Variants in RSPH14 observed in about 807,000 individuals in gnomAD.
RSPH14 encodes the protein rhabdoid tumor deletion region gene 1.
RSPH14 carries 20 observed loss-of-function variants against 26.7 expected under a neutral mutation model. The observed-to-expected ratio is 0.75, with a 90% CI of 0.53 to 1.09. The LOEUF is 1.09. Among genes scored for constraint, RSPH14 ranks in the 50% least tolerant of loss-of-function variants. RSPH14 has a pLI of 0.00. For synonymous variants in RSPH14, 177 were observed against 189.3 expected, an observed-to-expected ratio of 0.93 and a Z score of 0.53; for missense variants, 449 against 457.2, an observed-to-expected ratio of 0.98 and a Z score of 0.16.
chr22:23,166,147 T>TAAAAAAAAAAAA, the RSPH14 span, among the ~76,000 whole-genome samples: 5 of 59,886 alleles, frequency 8.3e-5, no homozygotes, highest in African/African-American at 3.6e-4. Flanking sequence ...CTCTGTCTTT[T>TAAAAAAAAAAAA]AAAAAAAAAA....
the RSPH14 span, chr22:23,150,049 C>T: frequency 0.35 from 561,484 of 1,589,560 alleles, 102,315 homozygotes; most frequent in East Asian, 0.59. Context: ...GTCCGTCTGT[C>T]TGTCTCTTTG....
chr22:23,157,921 C>T, the RSPH14 span: 14 of 1,603,458 alleles, frequency 8.7e-6, no homozygotes, highest in Admixed American at 2.4e-4. Context: ...GGGAGCTGGG[C>T]ACCTCCTGGG....
the RSPH14 span, among the ~76,000 whole-genome samples, chr22:23,150,536 CGT>C: frequency 6.6e-6 from 1 of 151,866 alleles, no homozygotes; most frequent in Non-Finnish European, 1.5e-5. Context: ...CTCCTGACCT[CGT>C]GATCAGCCTG....
Position 23,140,284 on chromosome 22 carries a change from G to T in RSPH14, c.137C>A (p.Ala46Asp). The T allele has an allele frequency of 3.1e-6, 5 of 1,614,172 alleles. No homozygotes were observed. Among genetic ancestry groups the T allele is most frequent in the Non-Finnish European group, 3.4e-6 (4 of 1,180,034 alleles). Residue 46 changes from alanine (A) to aspartate (D), a missense_variant, in exon 2 of 7, where the codon GCC becomes GAC. Ala to Asp is a moderately radical substitution (Grantham distance 126). Coordinates refer to ENST00000216036, the MANE Select transcript of RSPH14 (RefSeq NM_014433.3). ...CATGAGGTCACACAAGGCCATGAGG[G>T]CTTTCTGCCTCGTCTGGAGGTCCTC... Reference protein sequence around the residue: ...QSEDLQTRQKALMALCDLMHD... With the variant: ...QSEDLQTRQKDLMALCDLMHD...
chr22:23,152,717 T>G, the RSPH14 span, among the ~76,000 whole-genome samples: 87,193 of 152,046 alleles, frequency 0.57, 26,124 homozygotes, highest in African/African-American at 0.75. Context: ...TGGGCAGAAA[T>G]TGTGGCGTCC....
chr22:23,094,254 G>T (rs1264595398), intron 4 of RSPH14, among the ~76,000 whole-genome samples: 1 of 152,146 alleles, frequency 6.6e-6, no homozygotes, highest in Non-Finnish European at 1.5e-5. Flanking sequence ...GGTGGGGCCT[G>T]GTGCCACCCT....
intron 4 of RSPH14, chr22:23,095,956 C>T: frequency 6.2e-7 from 1 of 1,612,358 alleles, no homozygotes. Context: ...TCATCCGGGC[C>T]CTGGCCGCCC....
intron 4 of RSPH14, among the ~76,000 whole-genome samples, chr22:23,077,491 G>A (rs967553175): frequency 6.6e-6 from 1 of 152,202 alleles, no homozygotes; most frequent in African/African-American, 2.4e-5. Context: ...GTTGATCTCT[G>A]TTCCAGCAAG....
chr22:23,092,780 T>C (rs933744293), intron 4 of RSPH14, among the ~76,000 whole-genome samples: 3 of 152,132 alleles, frequency 2.0e-5, no homozygotes, highest in Admixed American at 6.5e-5. Flanking sequence ...AAATCACACA[T>C]CCTTGGACAG....
intron 4 of RSPH14, among the ~76,000 whole-genome samples, chr22:23,083,075 G>C (rs1464358645): frequency 6.6e-6 from 1 of 152,138 alleles, no homozygotes; most frequent in Non-Finnish European, 1.5e-5. Context: ...GTGGGCAGGA[G>C]AAGTTTCAGG....
the RSPH14 span, chr22:23,162,968 A>C: frequency 3.0e-6 from 1 of 338,080 alleles, no homozygotes; most frequent in Non-Finnish European, 5.8e-6. Context: ...CTGGAGTGCA[A>C]TGGCGTAATC....
chr22:23,061,842 C>T lies in RSPH14; in HGVS notation c.757G>A (p.Gly253Ser), dbSNP rs199729382. 7.2e-5 allele frequency: 116 copies of T among 1,614,082 alleles called. No individual in the cohort carries two copies. The highest frequency in any genetic ancestry group is 4.9e-4 in the African/African-American group (37 of 75,022). ...PVEHVKSNAA[G>S]ALMFATVITE... ...ATCACTGTGGCGAACATCAGGGCACCGGCAGCGTTAGACTTCACATGCTCC... is the reference window on the plus strand; with the variant it reads ...ATCACTGTGGCGAACATCAGGGCACTGGCAGCGTTAGACTTCACATGCTCC... The change falls in exon 6 of 7, where the codon GGT (glycine) becomes AGT (serine). Residue 253 changes from glycine to serine, a missense_variant. Physicochemically the swap from Gly to Ser is moderately conservative, Grantham distance 56. Transcript: ENST00000216036.
chr22:23,162,800 G>A, the RSPH14 span: 2 of 454,248 alleles, frequency 4.4e-6, no homozygotes, highest in Admixed American at 4.7e-5. Flanking sequence ...CACTGCAGCT[G>A]CCCTGTAAAT....
At chr22:23,095,363 G>A in intron 4 of RSPH14, 1 of 304,706 alleles carries the variant, frequency 3.3e-6, no homozygotes, top group Non-Finnish European at 6.2e-6. Flanking sequence ...CCAGCAACCA[G>A]ACGGCAGCAG....
the RSPH14 span, chr22:23,152,361 G>T: frequency 4.1e-6 from 5 of 1,214,872 alleles, no homozygotes; most frequent in African/African-American, 3.0e-5. Context: ...GGAGTGAGGG[G>T]TGTCTCACCA....
chr22:23,125,918 C>T (rs894912814), intron 4 of RSPH14, among the ~76,000 whole-genome samples: 1 of 152,192 alleles, frequency 6.6e-6, no homozygotes, highest in Non-Finnish European at 1.5e-5. Context: ...CACACACACG[C>T]ATGCATGCAC....
intron 6 of RSPH14, among the ~76,000 whole-genome samples, chr22:23,060,139 T>C (rs1482223403): frequency 6.6e-6 from 1 of 152,056 alleles, no homozygotes; most frequent in Non-Finnish European, 1.5e-5. Context: ...GACATCGTAC[T>C]CTAGCCTGGG....
intron 4 of RSPH14, among the ~76,000 whole-genome samples, chr22:23,074,764 G>A (rs528589711): frequency 6.6e-6 from 1 of 152,300 alleles, no homozygotes; most frequent in East Asian, 1.9e-4. Context: ...CGGGAGGCTG[G>A]AGAAGAGCGG....
At chr22:23,160,897 T>C in the RSPH14 span, 1 of 1,613,754 alleles carries the variant, frequency 6.2e-7, no homozygotes, top group South Asian at 1.1e-5. Flanking sequence ...GTGAAGGCAT[T>C]CTTCAGCCGC....
Sources: gnomAD v4.1 joint callset for allele counts (sites outside exome capture counted in the v4.1 genomes callset) on GRCh38, gnomAD v4.1.1 for gene constraint, MANE v1.5 for transcripts, NCBI Gene and HGNC (gene_info 2026-07-23, HGNC 2026-07-21) for gene names.